The following VCL variants were observed in gnomAD, a reference collection of about 807,000 sequenced individuals.
VCL encodes vinculin, also known as epididymis luminal protein 114.
VCL carries 47 observed loss-of-function variants against 125.7 expected under a neutral mutation model. That is an observed-to-expected ratio of 0.37 (90% CI 0.30 to 0.48). The LOEUF is 0.48. Ranked by LOEUF, VCL falls within the 20% of genes least tolerant of loss-of-function variation. The pLI is 0.99. For synonymous variants in VCL, 458 were observed against 514.6 expected (o/e 0.89, Z 1.49); for missense variants, 1,069 against 1,455.5 (o/e 0.73, Z 4.32).
intron 2 of VCL, among the ~76,000 whole-genome samples, chr10:74,053,818 T>C (rs1306902159): frequency 6.6e-6 from 1 of 152,006 alleles, no homozygotes; most frequent in African/African-American, 2.4e-5. Flanking sequence ...ACTATGTTGG[T>C]AAGACTGGTC....
chr10:74,062,526 G>T (rs149166066), intron 2 of VCL, among the ~76,000 whole-genome samples: 68 of 152,084 alleles, frequency 4.5e-4, no homozygotes, highest in Non-Finnish European at 9.1e-4. Context: ...TGAACATGTG[G>T]AGTACAGTTA....
At chr10:74,091,189 CAAATGT>C (rs1447566719) in intron 10 of VCL, among the ~76,000 whole-genome samples, 5 of 152,104 alleles carry the variant, frequency 3.3e-5, no homozygotes, top group Non-Finnish European at 7.4e-5. Flanking sequence ...GGTTTAATGT[CAAATGT>C]AAAAGTTGCT....
At chr10:74,066,061 ATTTTTT>A (rs954704183) in intron 2 of VCL, among the ~76,000 whole-genome samples, 1 of 137,470 alleles carries the variant, frequency 7.3e-6, no homozygotes, top group Admixed American at 7.3e-5. Flanking sequence ...ATATATATAT[ATTTTTT>A]TTTTTTTTTG....
intron 2 of VCL, among the ~76,000 whole-genome samples, chr10:74,055,379 A>G (rs943843847): frequency 1.3e-5 from 2 of 151,998 alleles, no homozygotes; most frequent in African/African-American, 4.8e-5. Context: ...GGATCTTGCT[A>G]TGTCACCTAG....
chr10:74,043,097 T>G lies in VCL; in HGVS notation c.183T>G (p.Thr61=), dbSNP rs776787274. The G allele has an allele frequency of 1.3e-5, 21 of 1,613,370 alleles. No homozygotes were observed. In the East Asian group the frequency reaches 4.7e-4, roughly 36 times the overall value. Residue 61 remains threonine, a synonymous_variant, in exon 2 of 22, where the codon ACT becomes ACG. Coordinates refer to ENST00000211998, the MANE Select transcript of VCL (RefSeq NM_014000.3). ...VSNLVRVGKE[T]VQTTEDQILK... ...TCCTCTTGTAGGTTGGAAAAGAGAC[T>G]GTTCAAACCACTGAGGATCAGATTT...
intron 2 of VCL, among the ~76,000 whole-genome samples, chr10:74,069,684 G>A (rs538373617): frequency 3.3e-5 from 5 of 152,192 alleles, no homozygotes; most frequent in Non-Finnish European, 5.9e-5. Flanking sequence ...TTGTAAGTTA[G>A]TCAGTCACAA....
intron 19 of VCL, 130 bp downstream of exon 19, chr10:74,112,242 C>T (rs1350746974): frequency 1.7e-6 from 2 of 1,185,530 alleles, no homozygotes; most frequent in Non-Finnish European, 2.4e-6. Context: ...TGTCTGTCTG[C>T]ACCATGTTGT....
intron 16 of VCL, among the ~76,000 whole-genome samples, chr10:74,106,028 C>G (rs565834331): frequency 2.0e-5 from 3 of 149,602 alleles, no homozygotes; most frequent in South Asian, 4.3e-4. Flanking sequence ...TCAAGTGATT[C>G]TCCTGCCCCA....
chr10:74,080,152 G>A (rs1839654156), intron 6 of VCL, among the ~76,000 whole-genome samples: 1 of 152,092 alleles, frequency 6.6e-6, no homozygotes, highest in Non-Finnish European at 1.5e-5. Flanking sequence ...TTTGGGCATT[G>A]GAGAATAAAA....
chr10:74,045,902 A>G (rs1591670724), intron 2 of VCL, among the ~76,000 whole-genome samples: 1 of 152,098 alleles, frequency 6.6e-6, no homozygotes, highest in Non-Finnish European at 1.5e-5. Context: ...TATTTTCTCT[A>G]TGTATGTTAA....
At chr10:74,048,715 A>T (rs961082141) in intron 2 of VCL, among the ~76,000 whole-genome samples, 1 of 152,236 alleles carries the variant, frequency 6.6e-6, no homozygotes, top group South Asian at 2.1e-4. Flanking sequence ...TGTTTATAGA[A>T]TAGTAGTTCC....
Position 74,119,537 on chromosome 10 carries a change from A to G in VCL, c.*1368A>G, listed in dbSNP as rs1840371531. The G allele has an allele frequency of 6.6e-6, 1 of 152,226 alleles. No homozygotes were observed. Among genetic ancestry groups the G allele is most frequent in the South Asian group, 2.1e-4 (1 of 4,834 alleles). 9.4% of individuals were successfully genotyped at this position (152,226 alleles called of 1,614,324 possible). A position where few individuals can be genotyped will look rare whatever the true frequency, so the allele number is the denominator to read the frequency against. On this transcript the variant is annotated 3_prime_UTR_variant, in exon 22 of 22. Coordinates refer to ENST00000211998, the MANE Select transcript of VCL (RefSeq NM_014000.3). ...CAGTAAGTTCCTACTAGGCAAAATG[A>G]GAGGGCAGTGTTTCCTTTTTGGTAC...
chr10:74,094,488 C>A (rs1482821943), intron 11 of VCL, 27 bp downstream of exon 11: 39 of 1,605,328 alleles, frequency 2.4e-5, no homozygotes, highest in Non-Finnish European at 3.2e-5. Context: ...ACTATAACCT[C>A]ATTAAATTGG....
intron 2 of VCL, among the ~76,000 whole-genome samples, chr10:74,070,066 T>A (rs952044852): frequency 6.6e-6 from 1 of 152,230 alleles, no homozygotes; most frequent in Non-Finnish European, 1.5e-5. Flanking sequence ...AACAAATTTA[T>A]TTAGCTAGAT....
chr10:74,107,130 C>T, intron 16 of VCL, 100 bp from the exon 17 acceptor site: 13 of 1,595,738 alleles, frequency 8.1e-6, no homozygotes, highest in Non-Finnish European at 1.1e-5. Context: ...CTGGCAGCTT[C>T]ACATCCAGCT....
intron 1 of VCL, among the ~76,000 whole-genome samples, chr10:74,007,177 C>T (rs558368374): frequency 8.5e-5 from 13 of 152,178 alleles, no homozygotes; most frequent in African/African-American, 3.1e-4. Context: ...TGGGGTTTTG[C>T]CATGTTGCCC....
In VCL at chr10:74,071,995, G is replaced by C. The variant is rs1841669458; in HGVS notation, c.500-735G>C. Among the ~76,000 whole-genome samples the C allele has an allele frequency of 6.6e-6, 1 of 152,150 alleles. No individual in the cohort carries two copies. Among genetic ancestry groups the C allele is most frequent in the Non-Finnish European group, 1.5e-5 (1 of 68,032 alleles). ...AAAAAGACAAAATGGAGCTACTTTA[G>C]GTGAAGCAGGAGCAGCCCCACCTCT... On this transcript the variant is annotated intron_variant, in intron 4 of 21. Transcript: ENST00000211998. The surrounding 1 kb of genome is among the most constrained non-coding windows in gnomAD (Gnocchi z 4.1).
intron 2 of VCL, among the ~76,000 whole-genome samples, chr10:74,059,223 C>T (rs982826134): frequency 2.0e-5 from 3 of 152,010 alleles, no homozygotes; most frequent in South Asian, 2.1e-4. Flanking sequence ...GGCATGGTGG[C>T]GCATGCCTAT....
chr10:74,038,776 CTG>C (rs909233637), intron 1 of VCL, among the ~76,000 whole-genome samples: 2 of 152,156 alleles, frequency 1.3e-5, no homozygotes, highest in Admixed American at 1.3e-4. Context: ...ATTTACAAAA[CTG>C]TTTTAATGTT....
Sources: allele counts gnomAD v4.1 joint callset (sites outside exome capture counted in the v4.1 genomes callset), GRCh38; gene constraint gnomAD v4.1.1; non-coding constraint Gnocchi (gnomAD v3.1); transcripts MANE v1.5; gene names NCBI Gene and HGNC (gene_info 2026-07-23, HGNC 2026-07-21).